CAMSAP2: variants seen among roughly 807,000 people sequenced by gnomAD.
The protein encoded by CAMSAP2 is calmodulin-regulated spectrin-associated protein 2.
CAMSAP2 carries 26 observed loss-of-function variants against 146.1 expected under a neutral mutation model. The ratio of observed to expected loss-of-function variants is 0.18; its 90% CI spans 0.13 to 0.25. The LOEUF is 0.25. Ranked by LOEUF, CAMSAP2 falls within the 10% of genes least tolerant of loss-of-function variation. The pLI is 1.00. For missense variants in CAMSAP2, 1,381 were observed against 1,759.3 expected (o/e 0.78, Z 3.85); for synonymous variants, 499 against 596.6 (o/e 0.84, Z 2.38).
Position 200,848,282 on chromosome 1 carries a change from A to C in CAMSAP2, c.1513A>C (p.Asn505His), listed in dbSNP as rs1369250339. ...HSDLKSCVPLNTNELNSNENI... is the reference protein window; with the variant it reads ...HSDLKSCVPLHTNELNSNENI... ...TGACCTCAAATCTTGTGTGCCCCTT[A>C]ACACAAATGAACTAAATTCTAATGA... is the stretch of plus-strand genomic sequence containing the variant. Residue 505 changes from asparagine (N) to histidine (H), a missense_variant, in exon 11 of 17, where the codon AAC (asparagine) becomes CAC (histidine). Physicochemically the swap from Asn to His is moderately conservative, Grantham distance 68. Coordinates refer to ENST00000358823, the MANE Select transcript of CAMSAP2 (RefSeq NM_203459.4). 6.2e-7 allele frequency: 1 copy of C among 1,613,258 alleles called. No homozygotes were observed. Among genetic ancestry groups the C allele is most frequent in the African/African-American group, 1.3e-5 (1 of 74,872 alleles).
intron 4 of CAMSAP2, among the ~76,000 whole-genome samples, chr1:200,817,079 TACAC>T (rs145261313): frequency 6.3e-5 from 9 of 142,898 alleles, no homozygotes; most frequent in Admixed American, 3.4e-4. Context: ...TATATGTGTA[TACAC>T]ACACACGTAT....
chr1:200,828,583 A>T, intron 4 of CAMSAP2: 1 of 1,550,060 alleles, frequency 6.5e-7, no homozygotes, highest in Non-Finnish European at 8.7e-7. Context: ...TCTCCTTCCA[A>T]ATGGTTTTGG....
At chr1:200,774,026 A>C (rs1318128835) in intron 2 of CAMSAP2, among the ~76,000 whole-genome samples, 1 of 152,224 alleles carries the variant, frequency 6.6e-6, no homozygotes, top group African/African-American at 2.4e-5. Context: ...TGATTTGCAG[A>C]ATACAGTATA....
intron 2 of CAMSAP2, among the ~76,000 whole-genome samples, chr1:200,802,764 A>G (rs1336807405): frequency 6.6e-6 from 1 of 152,206 alleles, no homozygotes; most frequent in Non-Finnish European, 1.5e-5. Flanking sequence ...TTATGAGGCT[A>G]AAAATTTCTT....
In CAMSAP2 at chr1:200,739,949, C is replaced by G. The variant is rs1571701937; in HGVS notation, c.122C>G (p.Ala41Gly). The change falls in exon 1 of 17, where the codon GCC (alanine) becomes GGC (glycine). Residue 41 changes from alanine to glycine, a missense_variant. Physicochemically the swap from Ala to Gly is moderately conservative, Grantham distance 60. Around this residue, in one of 4 missense-constraint regions of CAMSAP2, gnomAD observed 284 missense variants for 406.9 expected, o/e 0.70. Transcript: ENST00000358823. This position sits in a 1 kb window ranked among gnomAD's most constrained non-coding sequence, Gnocchi z 4.8. ...KIACNLAWLV[A>G]KAFGTENVPE... Reference sequence around the variant, plus strand: ...GCCTGCAATCTGGCCTGGCTGGTGGCCAAAGCCTTTGGGACAGGTTAGTGG... The same window carrying G: ...GCCTGCAATCTGGCCTGGCTGGTGGGCAAAGCCTTTGGGACAGGTTAGTGG... 6.2e-7 allele frequency: 1 copy of G among 1,614,110 alleles called. No individual in the cohort carries two copies. The highest frequency in any genetic ancestry group is 2.2e-5 in the East Asian group (1 of 44,872).
intron 2 of CAMSAP2, among the ~76,000 whole-genome samples, chr1:200,777,649 T>TC (rs1317676858): frequency 6.6e-6 from 1 of 152,198 alleles, no homozygotes; most frequent in African/African-American, 2.4e-5. Context: ...GTGAAATTCT[T>TC]CAAGTTCTTA....
At chr1:200,746,777 C>T (rs868138952) in intron 1 of CAMSAP2, among the ~76,000 whole-genome samples, 1 of 151,854 alleles carries the variant, frequency 6.6e-6, no homozygotes, top group African/African-American at 2.4e-5. Flanking sequence ...CACCACCACG[C>T]CCAGCTAATT....
intron 4 of CAMSAP2, among the ~76,000 whole-genome samples, chr1:200,826,801 TTAA>T (rs1484703176): frequency 6.6e-6 from 1 of 152,170 alleles, no homozygotes; most frequent in African/African-American, 2.4e-5. Flanking sequence ...CGGTAGAAAC[TTAA>T]TAAAAGTTTT....
chr1:200,769,980 A>T (rs1402077093), intron 2 of CAMSAP2, among the ~76,000 whole-genome samples: 1 of 152,226 alleles, frequency 6.6e-6, no homozygotes, highest in Non-Finnish European at 1.5e-5. Flanking sequence ...ATAATGAAAG[A>T]CTATAACAAG....
At chr1:200,824,362 T>G (rs1666851039) in intron 4 of CAMSAP2, among the ~76,000 whole-genome samples, 1 of 152,156 alleles carries the variant, frequency 6.6e-6, no homozygotes, top group African/African-American at 2.4e-5. Flanking sequence ...TTCTTTTTTA[T>G]GGAAAACAGT....
chr1:200,758,268 A>T (rs1664701226), intron 1 of CAMSAP2, among the ~76,000 whole-genome samples: 1 of 152,234 alleles, frequency 6.6e-6, no homozygotes, highest in Admixed American at 6.5e-5. Flanking sequence ...TTAGATGCCA[A>T]ATAACTTATA....
rs750553270 is a variant in CAMSAP2 at position 200,857,461 on chromosome 1, T to G, written c.4131+37T>G. 7.2e-7 allele frequency: 1 copy of G among 1,386,182 alleles called. No homozygotes were observed. Among genetic ancestry groups the G allele is most frequent in the Non-Finnish European group, 1.0e-6 (1 of 973,454 alleles). 85.9% of individuals were successfully genotyped at this position (1,386,182 alleles called of 1,614,324 possible). The stretch of plus-strand genomic sequence containing the variant: ...TGCATGAAAATTAAATTTGGCAAAC[T>G]GTAGAAGTCTTTTATCCATTCAAGA... On this transcript the variant is annotated intron_variant, in intron 16 of 16. Coordinates refer to ENST00000358823, the MANE Select transcript of CAMSAP2 (RefSeq NM_203459.4). The surrounding 1 kb of genome is among the most constrained non-coding windows in gnomAD (Gnocchi z 4.7).
At chr1:200,813,818 G>T (rs1666399550) in intron 3 of CAMSAP2, among the ~76,000 whole-genome samples, 1 of 152,078 alleles carries the variant, frequency 6.6e-6, no homozygotes, top group Non-Finnish European at 1.5e-5. Context: ...AGGGAATGAG[G>T]CTGGGTCTGG....
chr1:200,854,045 C>G (rs951142455), intron 13 of CAMSAP2, among the ~76,000 whole-genome samples: 2 of 152,114 alleles, frequency 1.3e-5, no homozygotes, highest in Admixed American at 1.3e-4. Context: ...GTGGTGTGAT[C>G]ATGGCTCACT....
At chr1:200,813,089 A>T (rs1666380042) in intron 3 of CAMSAP2, among the ~76,000 whole-genome samples, 1 of 152,236 alleles carries the variant, frequency 6.6e-6, no homozygotes, top group Non-Finnish European at 1.5e-5. Context: ...GCAGAAATTC[A>T]TTGCTCATAG....
chr1:200,855,114 AATTATTGAC>A (rs997010650), intron 14 of CAMSAP2, among the ~76,000 whole-genome samples: 2 of 152,172 alleles, frequency 1.3e-5, no homozygotes, highest in African/African-American at 2.4e-5. Flanking sequence ...TAGAATTTAG[AATTATTGAC>A]ATTGATAACA....
chr1:200,857,826 T>C lies in CAMSAP2; in HGVS notation c.4204T>C (p.Tyr1402His). The C allele has an allele frequency of 6.2e-7, 1 of 1,613,812 alleles. No homozygotes were observed. Among genetic ancestry groups the C allele is most frequent in the South Asian group, 1.1e-5 (1 of 91,032 alleles). Residue 1402 changes from tyrosine to histidine, a missense_variant, in exon 17 of 17, where the codon TAC becomes CAC. Coordinates refer to ENST00000358823, the MANE Select transcript of CAMSAP2 (RefSeq NM_203459.4). The surrounding 1 kb of genome is among the most constrained non-coding windows in gnomAD (Gnocchi z 4.7). ...RDSGCQFRSL[Y>H]TYCPETEEIN... ...TTCAGGATGCCAGTTCAGATCTTTA[T>C]ACACTTATTGCCCAGAAACTGAAGA...
chr1:200,742,075 G>T (rs917780325), intron 1 of CAMSAP2, among the ~76,000 whole-genome samples: 1 of 152,200 alleles, frequency 6.6e-6, no homozygotes, highest in African/African-American at 2.4e-5. Context: ...CAGCAACCCT[G>T]TAGATACTGT....
intron 4 of CAMSAP2, among the ~76,000 whole-genome samples, chr1:200,831,643 T>TC (rs1315121949): frequency 6.6e-6 from 1 of 151,970 alleles, no homozygotes; most frequent in Non-Finnish European, 1.5e-5. Context: ...TTTTTTTTTT[T>TC]CACTTTCAAA....
Sources: gnomAD v4.1 joint callset for allele counts (sites outside exome capture counted in the v4.1 genomes callset) on GRCh38, gnomAD v4.1.1 for gene constraint, gnomAD v4.1.1 regional missense constraint, Gnocchi (gnomAD v3.1) non-coding constraint, MANE v1.5 for transcripts, NCBI Gene and HGNC (gene_info 2026-07-23, HGNC 2026-07-21) for gene names.